CACNB2: variants seen among roughly 807,000 people sequenced by gnomAD.
CACNB2 encodes calcium voltage-gated channel auxiliary subunit beta 2.
In CACNB2, 42 loss-of-function variants were observed where a neutral mutation model predicts 73.3. The ratio of observed to expected loss-of-function variants is 0.57; its 90% CI spans 0.45 to 0.74. CACNB2 has a LOEUF of 0.74. Ranked by LOEUF, CACNB2 falls within the 30% of genes least tolerant of loss-of-function variation. The pLI, the probability that CACNB2 is intolerant of heterozygous loss-of-function variation, is 0.00. For synonymous variants in CACNB2, 348 were observed against 310.3 expected (o/e 1.12, Z -1.28); for missense variants, 940 against 853.0 (o/e 1.10, Z -1.27).
chr10:18,442,351 T>C (rs2046451261), intron 3 of CACNB2, among the ~76,000 whole-genome samples: 1 of 151,836 alleles, frequency 6.6e-6, no homozygotes, highest in South Asian at 2.1e-4. Context: ...GGTTTCACCA[T>C]GTGGGCCAGG....
chr10:18,523,686 C>A (rs1020605865), intron 9 of CACNB2, among the ~76,000 whole-genome samples: 6 of 152,248 alleles, frequency 3.9e-5, no homozygotes, highest in Admixed American at 2.6e-4. Flanking sequence ...TCTAGAGTAA[C>A]TGAATTATTG....
chr10:18,487,366 A>G (rs565832881), intron 3 of CACNB2, among the ~76,000 whole-genome samples: 3 of 152,326 alleles, frequency 2.0e-5, no homozygotes, highest in South Asian at 2.1e-4. Flanking sequence ...GTTAGAAAAG[A>G]AACAATATGG....
At position 18,498,339 on chromosome 10, in the gene CACNB2, C is replaced by T. The variant is rs780853907; in HGVS notation, c.334-16C>T. ...TTTTGCTCTTATTTTTTTCCCTCTT[C>T]CTTTTCCCACTTTAGACAAAGCCCG... On this transcript the variant is annotated splice_polypyrimidine_tract_variant and intron_variant, in intron 3 of 13. Transcript: ENST00000324631. 3 of 1,614,026 alleles carry T rather than the reference C, an allele frequency of 1.9e-6. No individual in the cohort carries two copies. The highest frequency in any genetic ancestry group is 2.5e-6 in the Non-Finnish European group (3 of 1,179,944).
intron 3 of CACNB2, among the ~76,000 whole-genome samples, chr10:18,428,677 C>T (rs1477195775): frequency 1.1e-5 from 1 of 93,802 alleles, no homozygotes; most frequent in East Asian, 3.1e-4. Context: ...CAAAGCGAGA[C>T]ACTGTCAAAA....
intron 3 of CACNB2, among the ~76,000 whole-genome samples, chr10:18,427,203 C>T (rs1050345406): frequency 2.6e-5 from 4 of 151,910 alleles, no homozygotes; most frequent in African/African-American, 7.3e-5. Flanking sequence ...GATCCACCTG[C>T]GTCCCTTTTC....
chr10:18,450,567 C>A (rs74121231), intron 3 of CACNB2, among the ~76,000 whole-genome samples: 4,237 of 151,234 alleles, frequency 0.028, 212 homozygotes, highest in African/African-American at 0.099. Flanking sequence ...TGTCAGAGTA[C>A]GGGAGAGGGA....
chr10:18,464,508 G>A (rs1015487015), intron 3 of CACNB2, among the ~76,000 whole-genome samples: 1 of 144,872 alleles, frequency 6.9e-6, no homozygotes, highest in South Asian at 2.2e-4. Flanking sequence ...TTCCCCACTT[G>A]TATATTCACA....
intron 2 of CACNB2, among the ~76,000 whole-genome samples, chr10:18,362,909 A>T (rs1024853323): frequency 6.0e-5 from 2 of 33,552 alleles, no homozygotes; most frequent in Non-Finnish European, 1.3e-4. Flanking sequence ...ACTCTGTTTA[A>T]AAAAAAACAG....
At chr10:18,539,108 G>A in intron 13 of CACNB2, 122 bp from the exon 14 acceptor site, 1 of 1,229,328 alleles carries the variant, frequency 8.1e-7, no homozygotes, top group Non-Finnish European at 1.2e-6. Context: ...ATGAAGCTAG[G>A]TTAGACTTCA....
chr10:18,289,297 GTT>G (rs764040568), intron 2 of CACNB2, among the ~76,000 whole-genome samples: 1 of 56,714 alleles, frequency 1.8e-5, no homozygotes. Flanking sequence ...TTTTTGTTTT[GTT>G]TTTTTTTTTT....
rs946676358 is a variant in CACNB2 at position 18,540,216 on chromosome 10, C to G, written c.*492C>G. The G allele has an allele frequency of 5.5e-6, 1 of 180,638 alleles. No homozygotes were observed. Among genetic ancestry groups the G allele is most frequent in the Non-Finnish European group, 1.2e-5 (1 of 84,832 alleles). 11.2% of individuals were successfully genotyped at this position (180,638 alleles called of 1,614,324 possible). A position where few individuals can be genotyped will look rare whatever the true frequency, so the allele number is the denominator to read the frequency against. On this transcript the variant is annotated 3_prime_UTR_variant, in exon 14 of 14. Transcript: ENST00000324631. ...AAATTTGGGGACAGATTCAGTCTTG[C>G]CTTACACAAAGGGGATCATAAAGTT...
At chr10:18,385,910 A>G (rs1167079028) in intron 2 of CACNB2, among the ~76,000 whole-genome samples, 1 of 152,210 alleles carries the variant, frequency 6.6e-6, no homozygotes, top group Admixed American at 6.5e-5. Context: ...GTAATCTGTT[A>G]TCACAAATAG....
At chr10:18,241,145 A>G (rs879109392) in intron 2 of CACNB2, among the ~76,000 whole-genome samples, 3 of 152,054 alleles carry the variant, frequency 2.0e-5, no homozygotes, top group Non-Finnish European at 2.9e-5. Context: ...CATCTTACAT[A>G]TATTGATTGA....
chr10:18,360,680 T>C (rs767025648), intron 2 of CACNB2, among the ~76,000 whole-genome samples: 4 of 152,194 alleles, frequency 2.6e-5, no homozygotes, highest in Non-Finnish European at 5.9e-5. Context: ...GGCTAAGATA[T>C]GGTGGCCACA....
chr10:18,150,770 A>G (rs2031447067), intron 1 of CACNB2, 113 bp from the exon 2 acceptor site: 2 of 646,740 alleles, frequency 3.1e-6, no homozygotes, highest in Non-Finnish European at 5.3e-6. Flanking sequence ...ACATGATGGC[A>G]ATGTATTACT....
rs2133337025 is a variant in CACNB2 at position 18,539,593 on chromosome 10, C to G, written c.1852C>G (p.His618Asp). Residue 618 changes from histidine to aspartate, a missense_variant, in exon 14 of 14, where the codon CAC (histidine) becomes GAC (aspartate). His to Asp is a moderately conservative substitution (Grantham distance 81, BLOSUM62 -1). Transcript: ENST00000324631. Reference sequence around the variant, plus strand: ...CCGGGACGTGGATCGAGAGCAGGACCACAACGAGTGCAACAAGCAGCGCAG... The same window carrying G: ...CCGGGACGTGGATCGAGAGCAGGACGACAACGAGTGCAACAAGCAGCGCAG... Reference protein sequence around the residue: ...RSRDVDREQDHNECNKQRSRH... With the variant: ...RSRDVDREQDDNECNKQRSRH... 1 of 1,613,734 alleles carries G rather than the reference C, an allele frequency of 6.2e-7. No individual in the cohort carries two copies. The highest frequency in any genetic ancestry group is 2.2e-5 in the East Asian group (1 of 44,818).
chr10:18,384,340 C>T (rs2043137443), intron 2 of CACNB2, among the ~76,000 whole-genome samples: 1 of 152,082 alleles, frequency 6.6e-6, no homozygotes, highest in Non-Finnish European at 1.5e-5. Context: ...TGAAAAATTA[C>T]CACAGAAATC....
chr10:18,296,929 C>T (rs953971180), intron 2 of CACNB2, among the ~76,000 whole-genome samples: 4 of 152,150 alleles, frequency 2.6e-5, no homozygotes, highest in Non-Finnish European at 5.9e-5. Context: ...CTAAGGTTTC[C>T]GTCATTCATC....
At chr10:18,361,986 A>T (rs1232176883) in intron 2 of CACNB2, among the ~76,000 whole-genome samples, 1 of 152,062 alleles carries the variant, frequency 6.6e-6, no homozygotes. Context: ...ACTGCTACAC[A>T]TTTTTTTATA....
Sources: allele counts gnomAD v4.1 joint callset (sites outside exome capture counted in the v4.1 genomes callset), GRCh38; gene constraint gnomAD v4.1.1; transcripts MANE v1.5; gene names NCBI Gene and HGNC (gene_info 2026-07-23, HGNC 2026-07-21).